Variants in SLCO2A1 observed in about 807,000 individuals in gnomAD.
SLCO2A1 encodes matrin F/G 1.
Under a neutral mutation model 71.7 loss-of-function variants are expected in SLCO2A1, and 60 were observed. The ratio of observed to expected loss-of-function variants is 0.84; its 90% CI spans 0.68 to 1.04. The LOEUF (loss-of-function observed/expected upper bound fraction) is 1.04, where lower values mean the gene tolerates loss of function less well. Ranked by LOEUF, SLCO2A1 falls within the 50% of genes least tolerant of loss-of-function variation. The probability of loss-of-function intolerance (pLI) is 0.00; values close to 1 mark genes in which losing one functional copy is unlikely to be tolerated. For missense variants in SLCO2A1, 745 were observed against 813.4 expected, an observed-to-expected ratio of 0.92 and a Z score of 1.02; for synonymous variants, 308 against 326.7, an observed-to-expected ratio of 0.94 and a Z score of 0.62.
chr3:133,973,424 C>T (rs1164705062), intron 3 of SLCO2A1, among the ~76,000 whole-genome samples: 1 of 152,208 alleles, frequency 6.6e-6, no homozygotes, highest in Non-Finnish European at 1.5e-5. Context: ...GGAGGTGGAG[C>T]TTGGGTCATT....
At chr3:133,959,620 T>A (rs1433701762) in intron 3 of SLCO2A1, among the ~76,000 whole-genome samples, 1 of 151,828 alleles carries the variant, frequency 6.6e-6, no homozygotes, top group African/African-American at 2.4e-5. Flanking sequence ...AGCCCAGGAG[T>A]TCGAGACCAG....
chr3:133,942,320 G>A (rs1933445257), intron 11 of SLCO2A1: 1 of 296,990 alleles, frequency 3.4e-6, no homozygotes, highest in Non-Finnish European at 6.2e-6. Context: ...CCTCCAATGT[G>A]CAGAGTGGAG....
At chr3:133,975,015 T>C (rs6795214) in intron 2 of SLCO2A1, among the ~76,000 whole-genome samples, 20,451 of 152,118 alleles carry the variant, frequency 0.13, 1,747 homozygotes, top group East Asian at 0.41. Context: ...CTGAAACACT[T>C]CTTTCAGAAT....
intron 1 of SLCO2A1, among the ~76,000 whole-genome samples, chr3:134,021,090 T>C (rs1024036884): frequency 4.6e-5 from 7 of 152,346 alleles, no homozygotes; most frequent in Middle Eastern, 3.4e-3. Context: ...GGTTTTGACC[T>C]GGCTTGGATT....
At chr3:133,960,642 C>A (rs779682102) in intron 3 of SLCO2A1, among the ~76,000 whole-genome samples, 6 of 152,176 alleles carry the variant, frequency 3.9e-5, no homozygotes, top group Non-Finnish European at 8.8e-5. Context: ...GATGGTTGCA[C>A]AGCATTGTGA....
chr3:133,946,101 G>A (rs986787377), intron 9 of SLCO2A1, among the ~76,000 whole-genome samples: 1 of 152,056 alleles, frequency 6.6e-6, no homozygotes, highest in African/African-American at 2.4e-5. Flanking sequence ...AAGGCTTCTC[G>A]GCTTTCCTCA....
intron 10 of SLCO2A1, 107 bp from the exon 11 acceptor site, chr3:133,942,875 T>C (rs778901534): frequency 2.5e-6 from 3 of 1,209,774 alleles, no homozygotes; most frequent in Non-Finnish European, 3.4e-6. Flanking sequence ...TTTCAACCCT[T>C]GTGTCCTCTG....
chr3:133,970,571 C>G (rs1284482214), intron 3 of SLCO2A1, among the ~76,000 whole-genome samples: 1 of 152,250 alleles, frequency 6.6e-6, no homozygotes, highest in Admixed American at 6.5e-5. Flanking sequence ...AGCACACTCA[C>G]GTGGTGCACT....
chr3:133,961,176 G>T (rs1395586734), intron 3 of SLCO2A1, among the ~76,000 whole-genome samples: 1 of 152,034 alleles, frequency 6.6e-6, no homozygotes, highest in African/African-American at 2.4e-5. Context: ...CAACTGAGAC[G>T]GGTAAGGAGG....
chr3:133,953,468 C>T (rs917873752), intron 5 of SLCO2A1, among the ~76,000 whole-genome samples, 195 bp downstream of exon 5: 3 of 152,340 alleles, frequency 2.0e-5, no homozygotes, highest in East Asian at 1.9e-4. Flanking sequence ...CAGTGGCCAG[C>T]GTGGGCCCTG....
At chr3:133,946,006 A>G (rs572367446) in intron 9 of SLCO2A1, among the ~76,000 whole-genome samples, 16 of 152,306 alleles carry the variant, frequency 1.1e-4, no homozygotes, top group African/African-American at 3.6e-4. Flanking sequence ...TCCCCCAACT[A>G]GTAAGGAACA....
In SLCO2A1 at chr3:133,970,260, G is replaced by C. The variant is rs889030801; in HGVS notation, c.397+3403C>G. On this transcript the variant is annotated intron_variant, in intron 3 of 13. Transcript: ENST00000310926. Reference sequence around the variant, plus strand: ...ACCTTCTCAGCCCCTGCAGCCCTACGAGGGCTATAAAATAGACACTCAGGG... The same window carrying C: ...ACCTTCTCAGCCCCTGCAGCCCTACCAGGGCTATAAAATAGACACTCAGGG... 7.2e-5 allele frequency among the ~76,000 whole-genome samples: 11 copies of C among 152,094 alleles called. 1 individual carries two copies. In the South Asian group the frequency reaches 1.9e-3, roughly 26 times the overall value.
chr3:134,023,759 C>T lies in SLCO2A1; in HGVS notation c.96+5948G>A, dbSNP rs369859942. 2.7e-3 allele frequency among the ~76,000 whole-genome samples: 411 copies of T among 152,330 alleles called. 7 individuals are homozygous for T. Among genetic ancestry groups the T allele is most frequent in the African/African-American group, 9.4e-3 (391 of 41,580 alleles). On this transcript the variant is annotated intron_variant, in intron 1 of 13. Coordinates refer to ENST00000310926, the MANE Select transcript of SLCO2A1 (RefSeq NM_005630.3). ...AAATGGATCAAATATTCCATCTGCACGTTAAACAAAAGCAATTGTTATGCT... is the reference window on the plus strand; with the variant it reads ...AAATGGATCAAATATTCCATCTGCATGTTAAACAAAAGCAATTGTTATGCT...
chr3:133,937,033 G>T (rs1253900353), intron 12 of SLCO2A1, among the ~76,000 whole-genome samples: 1 of 152,090 alleles, frequency 6.6e-6, no homozygotes, highest in African/African-American at 2.4e-5. Context: ...TCTCATTGTG[G>T]TCCCACATTG....
At chr3:133,960,082 TGCACTCCAGCCTG>T (rs535440349) in intron 3 of SLCO2A1, among the ~76,000 whole-genome samples, 1 of 152,188 alleles carries the variant, frequency 6.6e-6, no homozygotes, top group African/African-American at 2.4e-5. Flanking sequence ...ATGGCGCCAC[TGCACTCCAGCCTG>T]GGTGACAGAG....
intron 1 of SLCO2A1, among the ~76,000 whole-genome samples, chr3:134,010,400 G>C (rs983444779): frequency 6.6e-6 from 1 of 152,148 alleles, no homozygotes; most frequent in Admixed American, 6.5e-5. Context: ...GCAGGAGAGA[G>C]AGAGAGGGAG....
intron 9 of SLCO2A1, among the ~76,000 whole-genome samples, chr3:133,946,051 C>G (rs1343703168): frequency 6.6e-6 from 1 of 152,108 alleles, no homozygotes; most frequent in Non-Finnish European, 1.5e-5. Flanking sequence ...GAGGACAAAG[C>G]CATGTGCTAA....
In SLCO2A1 at chr3:133,945,362, G is replaced by A. The variant is rs1174045846; in HGVS notation, c.1296-102C>T. 7 of 1,182,306 alleles carry A rather than the reference G, an allele frequency of 5.9e-6. No individual in the cohort carries two copies. The Admixed American group carries it at 1.7e-4, about 28-fold the overall frequency. 73.2% of individuals were successfully genotyped at this position (1,182,306 alleles called of 1,614,324 possible). A position where few individuals can be genotyped will look rare whatever the true frequency, so the allele number is the denominator to read the frequency against. On this transcript the variant is annotated intron_variant, in intron 9 of 13. Coordinates refer to ENST00000310926, the MANE Select transcript of SLCO2A1 (RefSeq NM_005630.3). ...TTCCTGGCCTGGTGAGTGTGTCTGT[G>A]CATCTTTATTTCTTTTGGGCCAGTG...
At chr3:133,940,728 G>A (rs1296447942) in intron 11 of SLCO2A1, among the ~76,000 whole-genome samples, 1 of 152,190 alleles carries the variant, frequency 6.6e-6, no homozygotes, top group African/African-American at 2.4e-5. Context: ...GGTAGAGAAG[G>A]GGGTGACAGT....
Sources: gnomAD v4.1 joint callset for allele counts (sites outside exome capture counted in the v4.1 genomes callset) on GRCh38, gnomAD v4.1.1 for gene constraint, MANE v1.5 for transcripts, NCBI Gene and HGNC (gene_info 2026-07-23, HGNC 2026-07-21) for gene names.